Variants in MRTFA observed in about 807,000 individuals in gnomAD.
MRTFA encodes myocardin related transcription factor A, also known as myocardin-related transcription factor A.
Under a neutral mutation model 83.5 loss-of-function variants are expected in MRTFA, and 20 were observed. The observed-to-expected ratio is 0.24, with a 90% CI of 0.17 to 0.35. The LOEUF (loss-of-function observed/expected upper bound fraction) is 0.35. Among genes scored for constraint, MRTFA ranks in the 10% least tolerant of loss-of-function variants. The pLI is 1.00. For synonymous variants in MRTFA, 659 were observed against 541.2 expected (o/e 1.22, Z -3.02); for missense variants, 1,200 against 1,224.7 (o/e 0.98, Z 0.30).
intron 3 of MRTFA, among the ~76,000 whole-genome samples, chr22:40,513,095 C>T (rs548960325): frequency 7.2e-5 from 11 of 152,132 alleles, no homozygotes; most frequent in Non-Finnish European, 1.5e-4. Context: ...CCACTACCAC[C>T]ACACCAAGTT....
chr22:40,627,815 C>CA (rs2056598645), intron 1 of MRTFA, among the ~76,000 whole-genome samples: 1 of 152,036 alleles, frequency 6.6e-6, no homozygotes, highest in Non-Finnish European at 1.5e-5. Flanking sequence ...CCCGCCTGCA[C>CA]AAAAAAATTT....
chr22:40,473,340 TTG>T (rs1569285210), intron 3 of MRTFA, among the ~76,000 whole-genome samples: 1 of 152,096 alleles, frequency 6.6e-6, no homozygotes, highest in African/African-American at 2.4e-5. Context: ...TTAAATTTTT[TTG>T]TAGAGATGAG....
chr22:40,558,374 T>C (rs951950054), intron 2 of MRTFA, among the ~76,000 whole-genome samples: 3 of 150,480 alleles, frequency 2.0e-5, no homozygotes, highest in Non-Finnish European at 3.0e-5. Flanking sequence ...TCCAAAGTGC[T>C]AGGATTACAG....
At chr22:40,542,968 G>T (rs1407066942) in intron 3 of MRTFA, among the ~76,000 whole-genome samples, 1 of 152,150 alleles carries the variant, frequency 6.6e-6, no homozygotes, top group East Asian at 1.9e-4. Flanking sequence ...GTTAGAGCAG[G>T]AACTCTATCT....
chr22:40,609,691 G>T (rs905173341), intron 1 of MRTFA, among the ~76,000 whole-genome samples: 7 of 151,656 alleles, frequency 4.6e-5, no homozygotes, highest in Admixed American at 4.6e-4. Context: ...AATTAGCCAG[G>T]CATGGTGGAG....
intron 1 of MRTFA, among the ~76,000 whole-genome samples, chr22:40,630,153 A>C (rs1231206301): frequency 6.6e-6 from 1 of 151,888 alleles, no homozygotes. Flanking sequence ...TGCCTCTACT[A>C]AAAAATACAA....
chr22:40,508,327 T>C (rs1183981646), intron 3 of MRTFA, among the ~76,000 whole-genome samples: 8 of 151,820 alleles, frequency 5.3e-5, no homozygotes, highest in Admixed American at 2.0e-4. Flanking sequence ...CTGACCGACA[T>C]GGTGAAACCC....
chr22:40,462,330 T>C (rs1181011402), intron 4 of MRTFA, among the ~76,000 whole-genome samples: 2 of 152,084 alleles, frequency 1.3e-5, no homozygotes, highest in Admixed American at 6.6e-5. Context: ...CTCAAAGATT[T>C]TGAATGAATG....
rs138863971 is a variant in MRTFA at position 40,423,591 on chromosome 22, C to G, written c.872G>C (p.Ser291Thr). The change falls in exon 9 of 15, where the codon AGC becomes ACC. Residue 291 changes from serine (S) to threonine (T), a missense_variant. This residue lies in a region of MRTFA where 1,107 missense variants were observed against 1,041.8 expected (regional missense o/e 1.06). Coordinates refer to ENST00000355630, the MANE Select transcript of MRTFA (RefSeq NM_020831.6). ...GGGGATAGTGGTTCCATTGGTGAGGCTGGGAGGCAGCAGAGGTGGGGGAGG... is the reference window on the plus strand; with the variant it reads ...GGGGATAGTGGTTCCATTGGTGAGGGTGGGAGGCAGCAGAGGTGGGGGAGG... The G allele has an allele frequency of 3.3e-4, 522 of 1,595,084 alleles. No individual in the cohort carries two copies. Among genetic ancestry groups the G allele is most frequent in the Non-Finnish European group, 4.3e-4 (498 of 1,169,640 alleles).
intron 4 of MRTFA, among the ~76,000 whole-genome samples, chr22:40,451,941 TAACA>T (rs1266078639): frequency 4.2e-5 from 6 of 143,328 alleles, no homozygotes; most frequent in African/African-American, 1.5e-4. Context: ...CTCCTGCAAA[TAACA>T]TCCCACCTGG....
At chr22:40,514,695 G>A (rs901672498) in intron 3 of MRTFA, among the ~76,000 whole-genome samples, 1 of 151,654 alleles carries the variant, frequency 6.6e-6, no homozygotes, top group African/African-American at 2.4e-5. Context: ...AGCCAGGCTG[G>A]TCTCAAACTC....
intron 1 of MRTFA, among the ~76,000 whole-genome samples, chr22:40,625,372 T>G (rs887243544): frequency 9.2e-5 from 14 of 151,782 alleles, no homozygotes; most frequent in African/African-American, 3.4e-4. Context: ...TCCCAACACT[T>G]TGGGAAGCCA....
chr22:40,428,156 TG>T (rs56038415), intron 7 of MRTFA, among the ~76,000 whole-genome samples: 5,064 of 152,278 alleles, frequency 0.033, 126 homozygotes, highest in Middle Eastern at 0.075. Context: ...GGAGAGGGTA[TG>T]GGAACCCCAA....
intron 3 of MRTFA, among the ~76,000 whole-genome samples, chr22:40,521,141 C>A (rs1307262706): frequency 6.6e-6 from 1 of 152,156 alleles, no homozygotes; most frequent in Non-Finnish European, 1.5e-5. Flanking sequence ...CCAATGATAA[C>A]ATCTTGCAAA....
chr22:40,411,931 A>G (rs1241117290), intron 14 of MRTFA, 24 bp from the exon 15 acceptor site: 1 of 1,462,934 alleles, frequency 6.8e-7, no homozygotes, highest in Non-Finnish European at 9.1e-7. Flanking sequence ...AAGAGAGTAA[A>G]TGGATATCAG....
chr22:40,477,612 G>A (rs1269839703), intron 3 of MRTFA, among the ~76,000 whole-genome samples: 1 of 152,062 alleles, frequency 6.6e-6, no homozygotes, highest in Non-Finnish European at 1.5e-5. Flanking sequence ...TTTCATTAGA[G>A]GCTTTTACAT....
At position 40,504,673 on chromosome 22, in the gene MRTFA, T is replaced by C. The variant is rs59235556; in HGVS notation, c.242-41387A>G. Reference sequence around the variant, plus strand: ...GACAAGGAAAGAAAGAGGAAAGCAGTTACTTATGTAAGTGAGAAACCTGAA... The same window carrying C: ...GACAAGGAAAGAAAGAGGAAAGCAGCTACTTATGTAAGTGAGAAACCTGAA... On this transcript the variant is annotated intron_variant, in intron 3 of 14. Transcript: ENST00000355630. 6.9e-3 allele frequency among the ~76,000 whole-genome samples: 1,049 copies of C among 152,298 alleles called. 11 individuals are homozygous for C. The highest frequency in any genetic ancestry group is 0.024 in the African/African-American group (1,007 of 41,548).
chr22:40,535,109 T>G (rs1326639021), intron 3 of MRTFA, among the ~76,000 whole-genome samples: 2 of 152,072 alleles, frequency 1.3e-5, no homozygotes, highest in Admixed American at 1.3e-4. Context: ...AGGCAATGAG[T>G]AGCAGCCAGT....
intron 2 of MRTFA, among the ~76,000 whole-genome samples, chr22:40,565,195 C>T (rs2055684946): frequency 6.6e-6 from 1 of 152,168 alleles, no homozygotes; most frequent in South Asian, 2.1e-4. Flanking sequence ...TACATGTGAA[C>T]ATCTTCCCTT....
Sources: allele counts gnomAD v4.1 joint callset (sites outside exome capture counted in the v4.1 genomes callset), GRCh38; gene constraint gnomAD v4.1.1; regional missense constraint gnomAD v4.1.1; transcripts MANE v1.5; gene names NCBI Gene and HGNC (gene_info 2026-07-23, HGNC 2026-07-21).